Variants in MYO15A observed in about 807,000 individuals in gnomAD.
MYO15A encodes the protein unconventional myosin-XV.
Under a neutral mutation model 394.6 loss-of-function variants are expected in MYO15A, and 308 were observed. That is an observed-to-expected ratio of 0.78 (90% CI 0.71 to 0.86). The LOEUF is 0.86. Among genes scored for constraint, MYO15A ranks in the 40% least tolerant of loss-of-function variants. The pLI is 0.00. For synonymous variants in MYO15A, 1,957 were observed against 2,003.8 expected, an observed-to-expected ratio of 0.98 and a Z score of 0.62; for missense variants, 4,606 against 4,799.1, an observed-to-expected ratio of 0.96 and a Z score of 1.19.
Position 18,148,803 on chromosome 17 carries a change from G to A in MYO15A, c.6807G>A (p.Lys2269=). 6.2e-7 allele frequency: 1 copy of A among 1,605,446 alleles called. No homozygotes were observed. Among genetic ancestry groups the A allele is most frequent in the Non-Finnish European group, 8.5e-7 (1 of 1,175,872 alleles). Residue 2269 remains lysine (K), a synonymous_variant, in exon 33 of 66, where the codon AAG becomes AAA. Coordinates refer to ENST00000647165, the MANE Select transcript of MYO15A (RefSeq NM_016239.4). This position sits in a 1 kb window ranked among gnomAD's most constrained non-coding sequence, Gnocchi z 4.8. ...GGCGCGGCTGGACCGTGGCCATGAA[G>A]AATGGTGTCCAGTGGGCAGAGCTGG... ...DGWRGWTVAM[K]NGVQWAELAG... is the part of the protein sequence containing the mutation.
rs202188780 is a variant in MYO15A at position 18,154,214 on chromosome 17, G to A, written c.8148+24G>A. ...AGGTGAGGTCCTGTCTCCCCTTTCT[G>A]CCTCAGTGAACTCAGCAGGGCTGTG... On this transcript the variant is annotated intron_variant, in intron 44 of 65. Coordinates refer to ENST00000647165, the MANE Select transcript of MYO15A (RefSeq NM_016239.4). 9.5e-5 allele frequency: 154 copies of A among 1,613,298 alleles called. 2 individuals carry two copies. In the East Asian group the frequency reaches 3.1e-3, roughly 32 times the overall value.
chr17:18,127,006 A>T (rs1448073117), intron 6 of MYO15A, 69 bp from the exon 7 acceptor site: 1 of 1,603,778 alleles, frequency 6.2e-7, no homozygotes, highest in Admixed American at 1.7e-5. Flanking sequence ...TTGCTTCATG[A>T]TGGGAGTCAG....
chr17:18,150,346 G>A lies in MYO15A; in HGVS notation c.7213-83G>A. On this transcript the variant is annotated intron_variant, in intron 35 of 65. Transcript: ENST00000647165. This position sits in a 1 kb window ranked among gnomAD's most constrained non-coding sequence, Gnocchi z 4.4. ...CCCCCTCCCACGAGAGGGTGGGGAAGAGGCCAGTGTCAGGTGCCTGTTGCC... is the reference window on the plus strand; with the variant it reads ...CCCCCTCCCACGAGAGGGTGGGGAAAAGGCCAGTGTCAGGTGCCTGTTGCC... The A allele has an allele frequency of 7.9e-7, 1 of 1,260,142 alleles. No homozygotes were observed. Among genetic ancestry groups the A allele is most frequent in the Non-Finnish European group, 1.2e-6 (1 of 863,314 alleles). 78.1% of individuals were successfully genotyped at this position (1,260,142 alleles called of 1,614,324 possible). A position where few individuals can be genotyped will look rare whatever the true frequency, so the allele number is the denominator to read the frequency against.
At chr17:18,110,944 G>C (rs2955362) in intron 1 of MYO15A, among the ~76,000 whole-genome samples, 138,013 of 152,306 alleles carry the variant, frequency 0.91, 62,525 homozygotes, top group South Asian at 0.96. Context: ...TCAGGGTTGC[G>C]TTGTCAGCAG....
At chr17:18,109,746 G>A (rs1000991949) in intron 1 of MYO15A, 7 of 152,184 alleles carry the variant, frequency 4.6e-5, no homozygotes, top group African/African-American at 1.2e-4. Flanking sequence ...TCTCCCAGCT[G>A]GCATCCCTGC....
Position 18,118,698 on chromosome 17 carries a change from C to T in MYO15A, c.-103C>T. The T allele has an allele frequency of 1.3e-6, 2 of 1,569,970 alleles. No homozygotes were observed. Among genetic ancestry groups the T allele is most frequent in the Non-Finnish European group, 1.7e-6 (2 of 1,156,504 alleles). On this transcript the variant is annotated 5_prime_UTR_variant, in exon 2 of 66. Coordinates refer to ENST00000647165, the MANE Select transcript of MYO15A (RefSeq NM_016239.4). ...CGGGTCTGCTCACAGCCCGAGGAGG[C>T]CGCGTGTCCAGCCGCGGGCAAGAGA...
chr17:18,131,198 T>G, intron 8 of MYO15A, 41 bp from the exon 9 acceptor site: 1 of 1,563,594 alleles, frequency 6.4e-7, no homozygotes, highest in Non-Finnish European at 8.8e-7. Context: ...CCCAGAACAG[T>G]GCCTAGCCCC....
intron 22 of MYO15A, 117 bp downstream of exon 22, chr17:18,141,260 C>T: frequency 1.4e-6 from 2 of 1,469,258 alleles, no homozygotes; most frequent in Non-Finnish European, 1.9e-6. Context: ...TCAGGTTGTA[C>T]ACTTCACAAG....
intron 35 of MYO15A, 99 bp downstream of exon 35, chr17:18,149,679 C>T (rs747510516): frequency 2.4e-5 from 30 of 1,266,136 alleles, no homozygotes; most frequent in Non-Finnish European, 3.3e-5. Flanking sequence ...TTCTCACAGC[C>T]AGGGTCATGG....
At position 18,119,721 on chromosome 17, in the gene MYO15A, C is replaced by T. The variant is rs1419296334; in HGVS notation, c.921C>T (p.Tyr307=). 2.5e-6 allele frequency: 4 copies of T among 1,612,040 alleles called. No homozygotes were observed. Among genetic ancestry groups the T allele is most frequent in the Non-Finnish European group, 1.7e-6 (2 of 1,179,976 alleles). Residue 307 remains tyrosine (Y), a synonymous_variant, in exon 2 of 66, where the codon TAC becomes TAT. Coordinates refer to ENST00000647165, the MANE Select transcript of MYO15A (RefSeq NM_016239.4). ...GPFDPGYTYG[Y]GYDDYEPPYA... The stretch of plus-strand genomic sequence containing the variant: ...TTGATCCGGGGTACACCTACGGCTA[C>T]GGCTACGACGATTACGAACCCCCAT...
chr17:18,169,315 G>A (rs987095072), intron 62 of MYO15A, among the ~76,000 whole-genome samples: 6 of 151,638 alleles, frequency 4.0e-5, no homozygotes, highest in Admixed American at 6.6e-5. Flanking sequence ...GCATGGTGGC[G>A]CATGCCTGTA....
In MYO15A at chr17:18,137,067, G is replaced by A. The variant is rs941996269; in HGVS notation, c.4779+381G>A. ...ATATGCAAGGGCTGGGAGGGGTGGCGGGTCATGAGGTCTGGGACTGGACTT... is the reference window on the plus strand; with the variant it reads ...ATATGCAAGGGCTGGGAGGGGTGGCAGGTCATGAGGTCTGGGACTGGACTT... On this transcript the variant is annotated intron_variant, in intron 15 of 65. Coordinates refer to ENST00000647165, the MANE Select transcript of MYO15A (RefSeq NM_016239.4). Among the ~76,000 whole-genome samples the A allele has an allele frequency of 3.3e-5, 5 of 152,316 alleles. No individual in the cohort carries two copies. The South Asian group carries it at 6.2e-4, about 19-fold the overall frequency.
In MYO15A at chr17:18,133,226, G is replaced by T. The variant is rs772995303; in HGVS notation, c.4322G>T (p.Gly1441Val). ...EAETYYYLNQGGNCEIAGKSD... is the reference protein window; with the variant it reads ...EAETYYYLNQVGNCEIAGKSD... Reference sequence around the variant, plus strand: ...CCCTCAGCCTCTGCCCTCATGCAGGGTGGGAACTGTGAGATAGCAGGAAAG... The same window carrying T: ...CCCTCAGCCTCTGCCCTCATGCAGGTTGGGAACTGTGAGATAGCAGGAAAG... The change falls in exon 12 of 66, where the codon GGT becomes GTT. Residue 1441 changes from glycine to valine, a missense_variant and splice_region_variant. By Grantham distance (109) the Gly-to-Val change is moderately radical. Coordinates refer to ENST00000647165, the MANE Select transcript of MYO15A (RefSeq NM_016239.4). 6 of 1,614,066 alleles carry T rather than the reference G, an allele frequency of 3.7e-6. No homozygotes were observed. The East Asian group carries it at 1.1e-4, about 30-fold the overall frequency.
At position 18,150,827 on chromosome 17, in the gene MYO15A, T is replaced by G; in HGVS notation, c.7396-9T>G. ...GACCTGCCTGGTCACCACTGCCACC[T>G]CTCCCCAGGCCCGGGAGATGACCCT... On this transcript the variant is annotated splice_polypyrimidine_tract_variant and intron_variant, in intron 37 of 65. Transcript: ENST00000647165. This position sits in a 1 kb window ranked among gnomAD's most constrained non-coding sequence, Gnocchi z 4.4. The G allele has an allele frequency of 6.3e-7, 1 of 1,590,934 alleles. No individual in the cohort carries two copies. The highest frequency in any genetic ancestry group is 8.6e-7 in the Non-Finnish European group (1 of 1,168,564).
rs369187384 is a variant in MYO15A, at chr17:18,159,244, T to C, written c.9157-31T>C. On this transcript the variant is annotated intron_variant, in intron 53 of 65. Transcript: ENST00000647165. ...CCTTTCTGTTCTGACGTGTCCCTCC[T>C]CCATCATGACACAGCCCTCTTCCCC... The C allele has an allele frequency of 1.1e-3, 1,814 of 1,611,008 alleles. 5 individuals carry two copies. Among genetic ancestry groups the C allele is most frequent in the Non-Finnish European group, 1.4e-3 (1,600 of 1,177,224 alleles).
intron 18 of MYO15A, 90 bp downstream of exon 18, chr17:18,139,026 C>G: frequency 1.3e-6 from 2 of 1,536,600 alleles, no homozygotes; most frequent in Admixed American, 3.9e-5. Flanking sequence ...CCCAGACATT[C>G]ACAGCCAGGT....
In MYO15A at chr17:18,159,357, T is replaced by A. The variant is rs763400927; in HGVS notation, c.9229+10T>A. Reference sequence around the variant, plus strand: ...ACCGACATGTTCCTAGGTGTGGGAGTGGGACTGCAGCCAGGGCTCTGGGCT... The same window carrying A: ...ACCGACATGTTCCTAGGTGTGGGAGAGGGACTGCAGCCAGGGCTCTGGGCT... On this transcript the variant is annotated intron_variant, in intron 54 of 65. Coordinates refer to ENST00000647165, the MANE Select transcript of MYO15A (RefSeq NM_016239.4). 1 of 1,613,646 alleles carries A rather than the reference T, an allele frequency of 6.2e-7. No homozygotes were observed. The highest frequency in any genetic ancestry group is 2.2e-5 in the East Asian group (1 of 44,870).
chr17:18,168,211 C>T (rs2046883922), intron 62 of MYO15A, among the ~76,000 whole-genome samples: 1 of 152,060 alleles, frequency 6.6e-6, no homozygotes, highest in Non-Finnish European at 1.5e-5. Flanking sequence ...TGATATACCA[C>T]TTTTTATAGA....
At chr17:18,169,970 CAAAAAAAA>C (rs202026399) in intron 62 of MYO15A, among the ~76,000 whole-genome samples, 1 of 59,778 alleles carries the variant, frequency 1.7e-5, no homozygotes, top group East Asian at 4.4e-4. Flanking sequence ...GACCCTGTCT[CAAAAAAAA>C]AAAAAAAAAA....
Sources: allele counts gnomAD v4.1 joint callset (sites outside exome capture counted in the v4.1 genomes callset), GRCh38; gene constraint gnomAD v4.1.1; non-coding constraint Gnocchi (gnomAD v3.1); transcripts MANE v1.5; gene names NCBI Gene and HGNC (gene_info 2026-07-23, HGNC 2026-07-21).